STIM2: variants seen among roughly 807,000 people sequenced by gnomAD.
The protein encoded by STIM2 is stromal interaction molecule 2.
In STIM2, 31 loss-of-function variants were observed where a neutral mutation model predicts 85.8. The observed-to-expected ratio is 0.36, with a 90% CI of 0.27 to 0.49. The LOEUF is 0.49. Among genes scored for constraint, STIM2 ranks in the 20% least tolerant of loss-of-function variants. The pLI is 0.98. For synonymous variants in STIM2, 356 were observed against 331.1 expected (o/e 1.08, Z -0.82); for missense variants, 841 against 927.6 (o/e 0.91, Z 1.21).
intron 2 of STIM2, among the ~76,000 whole-genome samples, chr4:26,932,737 AAGC>A (rs1237651517): frequency 2.0e-5 from 3 of 152,180 alleles, no homozygotes; most frequent in Admixed American, 6.5e-5. Flanking sequence ...CTCTGGAGCT[AAGC>A]AGCAGCAGCA....
intron 1 of STIM2, among the ~76,000 whole-genome samples, chr4:26,906,440 GT>G (rs1211425958): frequency 0.017 from 1,951 of 116,092 alleles, 20 homozygotes; most frequent in African/African-American, 0.056. Context: ...AAGTTTGTTT[GT>G]TTTTTTTTTT....
At chr4:26,964,163 G>T (rs757622780) in intron 3 of STIM2, among the ~76,000 whole-genome samples, 1 of 152,128 alleles carries the variant, frequency 6.6e-6, no homozygotes, top group Non-Finnish European at 1.5e-5. Context: ...GTGAGTCTCT[G>T]TGTAAATCTG....
chr4:26,904,759 CTTT>C (rs758379549), intron 1 of STIM2, among the ~76,000 whole-genome samples: 1 of 127,804 alleles, frequency 7.8e-6, no homozygotes, highest in Admixed American at 8.0e-5. Flanking sequence ...AGTGTTTTGT[CTTT>C]TTTTTTTTTT....
intron 7 of STIM2, among the ~76,000 whole-genome samples, chr4:27,003,518 C>A (rs1326093781): frequency 6.6e-6 from 1 of 152,156 alleles, no homozygotes; most frequent in Non-Finnish European, 1.5e-5. Flanking sequence ...ACATAATCTG[C>A]TAAAAGTTCT....
chr4:26,989,749 A>T (rs771210859), intron 3 of STIM2, among the ~76,000 whole-genome samples: 20 of 152,176 alleles, frequency 1.3e-4, no homozygotes, highest in Non-Finnish European at 2.9e-4. Context: ...AGAACTGATA[A>T]ATGAATTTAG....
intron 2 of STIM2, among the ~76,000 whole-genome samples, chr4:26,937,444 T>G (rs1292818100): frequency 6.6e-6 from 1 of 152,186 alleles, no homozygotes; most frequent in Non-Finnish European, 1.5e-5. Context: ...AGCATTGCAT[T>G]GATCTAATAT....
At chr4:26,887,903 G>C (rs970411875) in intron 1 of STIM2, among the ~76,000 whole-genome samples, 1 of 152,160 alleles carries the variant, frequency 6.6e-6, no homozygotes, top group Non-Finnish European at 1.5e-5. Flanking sequence ...TAATTGAAAA[G>C]ATCCAAATCC....
intron 3 of STIM2, among the ~76,000 whole-genome samples, chr4:26,964,721 A>C (rs980574733): frequency 2.0e-5 from 3 of 152,190 alleles, no homozygotes; most frequent in Non-Finnish European, 4.4e-5. Flanking sequence ...AAAGATACAC[A>C]GATGAAGAAT....
intron 3 of STIM2, among the ~76,000 whole-genome samples, chr4:26,983,389 A>G (rs1031348917): frequency 1.3e-5 from 2 of 152,254 alleles, no homozygotes; most frequent in Non-Finnish European, 2.9e-5. Flanking sequence ...CACTGATAAT[A>G]TTAGTTAAAC....
chr4:26,973,669 A>G (rs1331697835), intron 3 of STIM2, among the ~76,000 whole-genome samples: 4 of 152,154 alleles, frequency 2.6e-5, no homozygotes, highest in African/African-American at 9.7e-5. Context: ...TATGTGGTCA[A>G]TTTTAGAATA....
chr4:26,988,981 CT>C (rs749284725), intron 3 of STIM2, among the ~76,000 whole-genome samples: 11 of 152,170 alleles, frequency 7.2e-5, no homozygotes, highest in Non-Finnish European at 1.5e-4. Context: ...GTCTCCCAGG[CT>C]GGGGTACAGT....
At chr4:26,990,891 C>T (rs911120168) in intron 3 of STIM2, among the ~76,000 whole-genome samples, 4 of 152,120 alleles carry the variant, frequency 2.6e-5, no homozygotes, top group Non-Finnish European at 5.9e-5. Flanking sequence ...TATTATCACA[C>T]TCCAGTTTGA....
chr4:26,962,745 A>C (rs952729648), intron 3 of STIM2, among the ~76,000 whole-genome samples: 1 of 152,204 alleles, frequency 6.6e-6, no homozygotes, highest in African/African-American at 2.4e-5. Flanking sequence ...GAATTACTGA[A>C]TGTATTTAAA....
Position 27,017,793 on chromosome 4 carries a change from T to C in STIM2, c.1572T>C (p.Pro524=). The change falls in exon 11 of 12, where the codon CCT becomes CCC. Residue 524 remains proline, a synonymous_variant. Transcript: ENST00000467087. Reference sequence around the variant, plus strand: ...GCCGCAGCATTGTGCCGTCCTCGCCTCAGCCTCAGCGAGCTCAGCTTGCTC... The same window carrying C: ...GCCGCAGCATTGTGCCGTCCTCGCCCCAGCCTCAGCGAGCTCAGCTTGCTC... The C allele has an allele frequency of 3.7e-6, 6 of 1,614,114 alleles. No homozygotes were observed. Among genetic ancestry groups the C allele is most frequent in the Non-Finnish European group, 5.1e-6 (6 of 1,180,010 alleles).
chr4:26,897,691 T>C (rs1280407920), intron 1 of STIM2, among the ~76,000 whole-genome samples: 1 of 152,220 alleles, frequency 6.6e-6, no homozygotes, highest in East Asian at 1.9e-4. Context: ...AAGGATAGCA[T>C]CATATTTAAT....
intron 1 of STIM2, among the ~76,000 whole-genome samples, chr4:26,882,437 ATTTC>A (rs56199029): frequency 2.7e-5 from 4 of 149,410 alleles, no homozygotes; most frequent in Admixed American, 6.6e-5. Flanking sequence ...AGTTTCTTAA[ATTTC>A]TTTCTTTCTT....
rs773719023 is a variant in STIM2, at chr4:27,002,293, T to C, written c.702T>C (p.Ala234=). The change falls in exon 6 of 12, where the codon GCT becomes GCC. Residue 234 remains alanine (A), a synonymous_variant. Coordinates refer to ENST00000467087, the MANE Select transcript of STIM2 (RefSeq NM_020860.4). ...TTGGTGTTGGAGGCTGCTGGTTTGC[T>C]TATACGCAGAATAAGACATCAAAAG... 4 of 1,613,716 alleles carry C rather than the reference T, an allele frequency of 2.5e-6. No individual in the cohort carries two copies. In the Admixed American group the frequency reaches 6.7e-5, roughly 27 times the overall value.
chr4:27,009,487 A>G (rs1236732575), intron 10 of STIM2, among the ~76,000 whole-genome samples: 4 of 152,226 alleles, frequency 2.6e-5, no homozygotes, highest in African/African-American at 7.2e-5. Flanking sequence ...GTAGGAATAA[A>G]AATTAGGGGA....
At chr4:26,966,431 A>G (rs865977178) in intron 3 of STIM2, among the ~76,000 whole-genome samples, 1 of 152,154 alleles carries the variant, frequency 6.6e-6, no homozygotes, top group East Asian at 1.9e-4. Context: ...GCTTTTGAAT[A>G]AAGGACTTGT....
Sources: allele counts gnomAD v4.1 joint callset (sites outside exome capture counted in the v4.1 genomes callset), GRCh38; gene constraint gnomAD v4.1.1; transcripts MANE v1.5; gene names NCBI Gene and HGNC (gene_info 2026-07-23, HGNC 2026-07-21).